Variants in HYDIN observed in about 807,000 individuals in gnomAD.
HYDIN encodes the protein axonemal central pair apparatus protein HYDIN.
HYDIN carries 132 observed loss-of-function variants against 403.9 expected under a neutral mutation model. That is an observed-to-expected ratio of 0.33 (90% CI 0.28 to 0.38). The LOEUF (loss-of-function observed/expected upper bound fraction) is 0.38. Among genes scored for constraint, HYDIN ranks in the 10% least tolerant of loss-of-function variants. HYDIN has a pLI of 1.00. For synonymous variants in HYDIN, 1,202 were observed against 1,891.7 expected (o/e 0.64, Z 9.46); for missense variants, 2,827 against 5,009.5 (o/e 0.56, Z 13.15).
At chr16:70,837,625 C>T (rs1411922574) in intron 77 of HYDIN, 65 bp downstream of exon 77, 1 of 1,586,646 alleles carries the variant, frequency 6.3e-7, no homozygotes, top group East Asian at 2.2e-5. Context: ...TTCTGGGGGG[C>T]AAAGAAGGAT....
Position 70,862,271 on chromosome 16 carries a change from G to C in HYDIN, c.11570-16C>G, listed in dbSNP as rs374528893. ...TGAGCTGAACCTGGGGACAGACAGGGAGTGGGTGATATTCTGCATTTGCAG... is the reference window on the plus strand; with the variant it reads ...TGAGCTGAACCTGGGGACAGACAGGCAGTGGGTGATATTCTGCATTTGCAG... On this transcript the variant is annotated splice_polypyrimidine_tract_variant and intron_variant, in intron 68 of 85. Coordinates refer to ENST00000393567, the MANE Select transcript of HYDIN (RefSeq NM_001270974.2). 1.9e-6 allele frequency: 3 copies of C among 1,589,294 alleles called. 1 individual carries two copies. Among genetic ancestry groups the C allele is most frequent in the South Asian group, 2.3e-5 (2 of 88,842 alleles).
intron 47 of HYDIN, among the ~76,000 whole-genome samples, chr16:70,916,341 A>G (rs1201750116): frequency 1.3e-5 from 2 of 152,108 alleles, no homozygotes; most frequent in Non-Finnish European, 2.9e-5. Context: ...CTACCCCTGT[A>G]TTTTGCTCAA....
chr16:70,885,611 A>G (rs554886963), intron 58 of HYDIN, among the ~76,000 whole-genome samples: 29 of 151,824 alleles, frequency 1.9e-4, no homozygotes, highest in Admixed American at 6.6e-4. Flanking sequence ...CTTGTGATGT[A>G]AGATCCAGGC....
intron 80 of HYDIN, 120 bp downstream of exon 80, chr16:70,832,728 G>A (rs1597070964): frequency 7.5e-6 from 5 of 667,864 alleles, no homozygotes; most frequent in East Asian, 2.7e-5. Flanking sequence ...CAGTGGAAAC[G>A]GTGTATTCAC....
intron 23 of HYDIN, among the ~76,000 whole-genome samples, chr16:71,004,750 G>C (rs999105149): frequency 1.3e-5 from 2 of 152,084 alleles, no homozygotes; most frequent in African/African-American, 4.8e-5. Flanking sequence ...AATAAGTTGG[G>C]TAATATTGTC....
chr16:70,954,671 G>A (rs372649794), intron 40 of HYDIN, among the ~76,000 whole-genome samples: 3 of 152,218 alleles, frequency 2.0e-5, no homozygotes, highest in African/African-American at 4.8e-5. Flanking sequence ...GCTGGCTGTC[G>A]GGTTGGCCGG....
At chr16:70,925,162 C>T (rs1249214784) in intron 45 of HYDIN, among the ~76,000 whole-genome samples, 4 of 151,984 alleles carry the variant, frequency 2.6e-5, no homozygotes, top group African/African-American at 4.8e-5. Context: ...AGCCTCAAAA[C>T]GTTTTTTTCT....
intron 1 of HYDIN, among the ~76,000 whole-genome samples, chr16:71,190,508 A>T (rs2087382225): frequency 2.0e-5 from 3 of 152,226 alleles, no homozygotes; most frequent in Admixed American, 2.0e-4. Flanking sequence ...TTTTAGTATA[A>T]ATTGCATTGT....
chr16:71,207,524 T>C (rs936039964), intron 1 of HYDIN, among the ~76,000 whole-genome samples: 27 of 152,278 alleles, frequency 1.8e-4, no homozygotes, highest in African/African-American at 6.0e-4. Flanking sequence ...CAAGTCTTCA[T>C]AATAACCAGC....
intron 40 of HYDIN, among the ~76,000 whole-genome samples, chr16:70,954,695 G>T (rs2078178230): frequency 6.6e-6 from 1 of 152,156 alleles, no homozygotes; most frequent in East Asian, 1.9e-4. Flanking sequence ...AGGCCCATTT[G>T]TCTGCAGCTT....
At chr16:70,942,591 C>T (rs886208758) in intron 42 of HYDIN, among the ~76,000 whole-genome samples, 7 of 152,284 alleles carry the variant, frequency 4.6e-5, no homozygotes, top group African/African-American at 1.7e-4. Context: ...CTCAGTGTTA[C>T]TCAAAGTGTA....
chr16:71,122,876 A>C (rs974407642), intron 9 of HYDIN, among the ~76,000 whole-genome samples: 144 of 138,598 alleles, frequency 1.0e-3, no homozygotes, highest in Middle Eastern at 3.8e-3. Context: ...TGCTAATAGA[A>C]GCAGAAATGT....
intron 1 of HYDIN, among the ~76,000 whole-genome samples, chr16:71,187,834 G>A (rs1344304011): frequency 6.6e-6 from 1 of 152,070 alleles, no homozygotes. Context: ...GGAAAAAGGG[G>A]TCATTATGGC....
intron 28 of HYDIN, among the ~76,000 whole-genome samples, chr16:70,984,045 A>C (rs1440979824): frequency 6.6e-6 from 1 of 152,288 alleles, no homozygotes; most frequent in South Asian, 2.1e-4. Context: ...TTCAAGTCAC[A>C]AAGTTAGAGA....
chr16:71,053,343 A>G (rs1349440255), intron 18 of HYDIN, among the ~76,000 whole-genome samples: 2 of 152,348 alleles, frequency 1.3e-5, no homozygotes, highest in African/African-American at 4.8e-5. Context: ...CTATTTGTAT[A>G]TACCCAAAAA....
At chr16:70,897,268 G>A (rs575497146) in intron 53 of HYDIN, among the ~76,000 whole-genome samples, 1 of 152,090 alleles carries the variant, frequency 6.6e-6, no homozygotes, top group African/African-American at 2.4e-5. Flanking sequence ...AGAACTGGGG[G>A]GCAGTGGGGG....
intron 1 of HYDIN, among the ~76,000 whole-genome samples, chr16:71,216,239 A>G (rs534198174): frequency 6.6e-6 from 1 of 152,220 alleles, no homozygotes; most frequent in East Asian, 1.9e-4. Flanking sequence ...TAGCATATAG[A>G]AAAAATTGCC....
In HYDIN at chr16:70,879,442, T is replaced by A; in HGVS notation, c.10412A>T (p.Glu3471Val). 6.2e-7 allele frequency: 1 copy of A among 1,612,678 alleles called. No individual in the cohort carries two copies. Residue 3471 changes from glutamate to valine, a missense_variant, in exon 62 of 86, where the codon GAG becomes GTG. Physicochemically the swap from Glu to Val is moderately radical, Grantham distance 121 (BLOSUM62 -2). Coordinates refer to ENST00000393567, the MANE Select transcript of HYDIN (RefSeq NM_001270974.2). ...AACCGTCACTCGAGGGAGGTTCCCCTCACCAGCGATGTCAAACACGAGGCC... is the reference window on the plus strand; with the variant it reads ...AACCGTCACTCGAGGGAGGTTCCCCACACCAGCGATGTCAAACACGAGGCC... The part of the protein sequence containing the change: ...SRGLVFDIAG[E>V]GNLPRVTVVR...
Position 70,879,435 on chromosome 16 carries a change from G to T in HYDIN, c.10419C>A (p.Asn3473Lys). 5.0e-6 allele frequency: 8 copies of T among 1,612,424 alleles called. No homozygotes were observed. The highest frequency in any genetic ancestry group is 6.8e-6 in the Non-Finnish European group (8 of 1,179,102). The change falls in exon 62 of 86, where the codon AAC becomes AAA. Residue 3473 changes from asparagine (N) to lysine (K), a missense_variant. By Grantham distance (94) the Asn-to-Lys change is moderately conservative. Transcript: ENST00000393567. ...GCCGCACAACCGTCACTCGAGGGAG[G>T]TTCCCCTCACCAGCGATGTCAAACA... ...GLVFDIAGEGNLPRVTVVRPV... is the reference protein window; with the variant it reads ...GLVFDIAGEGKLPRVTVVRPV...
Sources: allele counts gnomAD v4.1 joint callset (sites outside exome capture counted in the v4.1 genomes callset), GRCh38; gene constraint gnomAD v4.1.1; transcripts MANE v1.5; gene names NCBI Gene and HGNC (gene_info 2026-07-23, HGNC 2026-07-21).